Variants in PCTP observed in about 807,000 individuals in gnomAD.
The protein encoded by PCTP is phosphatidylcholine transfer protein.
A neutral mutation model predicts 31.0 loss-of-function variants in PCTP; 27 were observed. The observed-to-expected ratio is 0.87, with a 90% CI of 0.64 to 1.20. The LOEUF (loss-of-function observed/expected upper bound fraction) is 1.20, where lower values mean the gene tolerates loss of function less well. PCTP is among the 50% of genes most tolerant of loss of function. PCTP has a pLI of 0.00. For missense variants in PCTP, 287 were observed against 268.2 expected (o/e 1.07, Z -0.49); for synonymous variants, 108 against 101.2 (o/e 1.07, Z -0.40).
intron 3 of PCTP, among the ~76,000 whole-genome samples, chr17:55,815,822 T>C (rs1342515892): frequency 6.6e-6 from 1 of 152,200 alleles, no homozygotes; most frequent in South Asian, 2.1e-4. Context: ...ATCATGAGTT[T>C]TTTATTTATT....
chr17:55,793,747 T>A (rs1369308838), intron 3 of PCTP, among the ~76,000 whole-genome samples: 1 of 152,090 alleles, frequency 6.6e-6, no homozygotes, highest in Non-Finnish European at 1.5e-5. Context: ...TACTATAGAA[T>A]GCACAAGATA....
rs375570660 is a variant in PCTP at position 55,768,695 on chromosome 17, T to C, written c.259+1243T>C. 1.4e-4 allele frequency among the ~76,000 whole-genome samples: 21 copies of C among 152,336 alleles called. 2 individuals are homozygous for C. Among genetic ancestry groups the C allele is most frequent in the Admixed American group, 9.1e-4 (14 of 15,308 alleles). ...GAGCTAGGGTAGGTTCTTCTACTAC[T>C]AGGCGAACTAGGGCAGCTGTTGGGT... is the stretch of plus-strand genomic sequence containing the variant. On this transcript the variant is annotated intron_variant, in intron 2 of 5. Coordinates refer to ENST00000268896, the MANE Select transcript of PCTP (RefSeq NM_021213.4).
intron 3 of PCTP, among the ~76,000 whole-genome samples, chr17:55,813,781 G>T (rs1027246875): frequency 6.6e-6 from 1 of 152,156 alleles, no homozygotes; most frequent in Admixed American, 6.5e-5. Flanking sequence ...GGTGGCTCAC[G>T]CCTGTAATCC....
At position 55,792,500 on chromosome 17, in the gene PCTP, A is replaced by G. The variant is rs368249375; in HGVS notation, c.317+4846A>G. 2.6e-5 allele frequency among the ~76,000 whole-genome samples: 4 copies of G among 152,256 alleles called. No individual in the cohort carries two copies. The East Asian group carries it at 7.7e-4, about 29-fold the overall frequency. ...AATAAAATAAAATAAAATATCTCAC[A>G]TAACTTACCATTAGATAGTAAGAAC... On this transcript the variant is annotated intron_variant, in intron 3 of 3. Transcript: ENST00000572536.
intron 2 of PCTP, chr17:55,787,510 A>C (rs747672735): frequency 6.6e-6 from 1 of 151,918 alleles, no homozygotes; most frequent in Non-Finnish European, 1.5e-5. Flanking sequence ...ACACGCCACC[A>C]TACCCGGTGA....
At chr17:55,761,187 C>T (rs1910322401) in intron 1 of PCTP, among the ~76,000 whole-genome samples, 1 of 152,142 alleles carries the variant, frequency 6.6e-6, no homozygotes, top group Non-Finnish European at 1.5e-5. Context: ...ACACCAACTT[C>T]CCTATCTACA....
At chr17:55,765,608 C>T (rs938043207) in intron 1 of PCTP, among the ~76,000 whole-genome samples, 1 of 152,216 alleles carries the variant, frequency 6.6e-6, no homozygotes, top group Non-Finnish European at 1.5e-5. Flanking sequence ...TCACCCATCT[C>T]CTTGTTCTCT....
At chr17:55,772,431 A>G (rs539704758) in intron 3 of PCTP, among the ~76,000 whole-genome samples, 2 of 152,178 alleles carry the variant, frequency 1.3e-5, no homozygotes, top group African/African-American at 2.4e-5. Context: ...TATTAAAAAT[A>G]CAAAAAAATT....
chr17:55,770,550 T>C (rs1408948240), intron 2 of PCTP: 1 of 152,290 alleles, frequency 6.6e-6, no homozygotes, highest in Non-Finnish European at 1.5e-5. Flanking sequence ...GATTATGCTA[T>C]AGAATGGCCA....
the PCTP span, among the ~76,000 whole-genome samples, chr17:55,848,095 G>T: frequency 6.6e-6 from 1 of 152,018 alleles, no homozygotes. Flanking sequence ...GCTAATTTTT[G>T]CATTTTCTTA....
intron 5 of PCTP, among the ~76,000 whole-genome samples, chr17:55,836,644 G>A (rs931379615): frequency 4.6e-5 from 7 of 152,192 alleles, no homozygotes; most frequent in Admixed American, 3.9e-4. Flanking sequence ...AAACTATCAA[G>A]TATGTTTTTG....
At chr17:55,775,860 T>C (rs1430194526) in intron 5 of PCTP, 175 bp from the exon 6 acceptor site, 1 of 1,357,174 alleles carries the variant, frequency 7.4e-7, no homozygotes, top group Non-Finnish European at 9.5e-7. Flanking sequence ...CTTACTTTTG[T>C]CCTCAGTCCT....
intron 3 of PCTP, among the ~76,000 whole-genome samples, chr17:55,788,305 A>G (rs554986605): frequency 1.3e-5 from 2 of 152,208 alleles, no homozygotes; most frequent in Non-Finnish European, 2.9e-5. Flanking sequence ...TAACAAACTG[A>G]CAAGCCTCTG....
At chr17:55,787,385 G>A (rs1911783891) in intron 2 of PCTP, among the ~76,000 whole-genome samples, 1 of 151,382 alleles carries the variant, frequency 6.6e-6, no homozygotes, top group Non-Finnish European at 1.5e-5. Context: ...ATGGAGTCTT[G>A]CTCTGTCACC....
intron 5 of PCTP, among the ~76,000 whole-genome samples, chr17:55,835,476 C>T (rs957891603): frequency 3.9e-5 from 6 of 152,168 alleles, no homozygotes; most frequent in African/African-American, 1.4e-4. Context: ...TGACTTATTA[C>T]CTCTTCTGGC....
At chr17:55,849,350 C>T in the PCTP span, among the ~76,000 whole-genome samples, 286 of 152,248 alleles carry the variant, frequency 1.9e-3, 1 homozygote, top group African/African-American at 5.7e-3. Flanking sequence ...CAGTCAGGTG[C>T]GGTGGCTCAT....
intron 2 of PCTP, chr17:55,787,515 C>A (rs895368155): frequency 1.3e-5 from 2 of 151,916 alleles, no homozygotes; most frequent in Admixed American, 6.6e-5. Context: ...CCACCATACC[C>A]GGTGAATTTT....
downstream of PCTP, among the ~76,000 whole-genome samples, chr17:55,782,037 A>T (rs1055965059): frequency 6.6e-6 from 1 of 152,178 alleles, no homozygotes; most frequent in Non-Finnish European, 1.5e-5. Flanking sequence ...AGACCTCATG[A>T]TATAGTTCCA....
chr17:55,835,396 A>G (rs540293394), intron 5 of PCTP, among the ~76,000 whole-genome samples: 179 of 152,278 alleles, frequency 1.2e-3, no homozygotes, highest in Non-Finnish European at 2.2e-3. Context: ...TTGGTTCACG[A>G]CAACCATTCA....
Sources: gnomAD v4.1 joint callset for allele counts (sites outside exome capture counted in the v4.1 genomes callset) on GRCh38, gnomAD v4.1.1 for gene constraint, MANE v1.5 for transcripts, NCBI Gene and HGNC (gene_info 2026-07-23, HGNC 2026-07-21) for gene names.